NRXN3: variants seen among roughly 807,000 people sequenced by gnomAD.
NRXN3 encodes neurexin 3, also known as neurexin III.
NRXN3 carries 32 observed loss-of-function variants against 137.6 expected under a neutral mutation model. The observed-to-expected ratio is 0.23, with a 90% confidence interval of 0.18 to 0.31. NRXN3 has a LOEUF of 0.31. Among genes scored for constraint, NRXN3 ranks in the 10% least tolerant of loss-of-function variants. The probability of loss-of-function intolerance (pLI) is 1.00; values close to 1 mark genes in which losing one functional copy is unlikely to be tolerated. For synonymous variants in NRXN3, 798 were observed against 784.5 expected, an observed-to-expected ratio of 1.02 and a Z score of -0.29; for missense variants, 1,574 against 2,062.5, an observed-to-expected ratio of 0.76 and a Z score of 4.59.
At chr14:79,691,473 C>T (rs2098716319) in intron 17 of NRXN3, among the ~76,000 whole-genome samples, 1 of 151,982 alleles carries the variant, frequency 6.6e-6, no homozygotes, top group Admixed American at 6.6e-5. Flanking sequence ...ATTATAATTA[C>T]CTCTATTTCC....
chr14:78,907,365 G>A (rs1015645050), intron 10 of NRXN3, among the ~76,000 whole-genome samples: 4 of 151,956 alleles, frequency 2.6e-5, no homozygotes, highest in Non-Finnish European at 5.9e-5. Flanking sequence ...CCATCACACC[G>A]GTTTTCTAGC....
At chr14:78,435,175 A>G (rs1360222993) in intron 4 of NRXN3, among the ~76,000 whole-genome samples, 1 of 152,202 alleles carries the variant, frequency 6.6e-6, no homozygotes, top group Non-Finnish European at 1.5e-5. Flanking sequence ...CAGCCTTAAT[A>G]TCACAGAAAT....
intron 15 of NRXN3, among the ~76,000 whole-genome samples, chr14:79,317,826 A>G (rs1316200696): frequency 6.6e-6 from 1 of 152,226 alleles, no homozygotes; most frequent in Non-Finnish European, 1.5e-5. Context: ...GTGTATAAAT[A>G]TAATAATACA....
At chr14:78,276,258 T>C (rs1300114702) in intron 2 of NRXN3, among the ~76,000 whole-genome samples, 1 of 152,174 alleles carries the variant, frequency 6.6e-6, no homozygotes, top group Admixed American at 6.5e-5. Flanking sequence ...TGGAATTTGT[T>C]TTGATCCTTG....
chr14:78,796,451 T>C (rs114294879), intron 8 of NRXN3, among the ~76,000 whole-genome samples: 2,090 of 152,278 alleles, frequency 0.014, 62 homozygotes, highest in African/African-American at 0.048. Context: ...GAACAGAAGT[T>C]AGAGAAGTTC....
chr14:78,854,298 G>T (rs893875377), intron 10 of NRXN3, among the ~76,000 whole-genome samples: 1 of 151,996 alleles, frequency 6.6e-6, no homozygotes, highest in African/African-American at 2.4e-5. Context: ...TAATTTTTTG[G>T]GCCTTACCTT....
intron 10 of NRXN3, among the ~76,000 whole-genome samples, chr14:78,843,022 G>A (rs561086975): frequency 2.6e-5 from 4 of 152,156 alleles, no homozygotes; most frequent in South Asian, 4.1e-4. Flanking sequence ...GTCCTGAGGC[G>A]ACATACATCC....
At chr14:79,533,435 C>T (rs2097186328) in intron 16 of NRXN3, among the ~76,000 whole-genome samples, 1 of 152,144 alleles carries the variant, frequency 6.6e-6, no homozygotes, top group African/African-American at 2.4e-5. Context: ...TGACTACCGA[C>T]AGTTATGTAC....
chr14:79,443,019 A>T (rs947372340), intron 15 of NRXN3, among the ~76,000 whole-genome samples: 7 of 152,234 alleles, frequency 4.6e-5, no homozygotes, highest in African/African-American at 1.4e-4. Context: ...CTCTGTGTGC[A>T]TGATTTCCAC....
intron 15 of NRXN3, among the ~76,000 whole-genome samples, chr14:79,199,745 C>A (rs1017301725): frequency 6.6e-6 from 1 of 152,148 alleles, no homozygotes; most frequent in Admixed American, 6.6e-5. Flanking sequence ...TTCAAACAGA[C>A]AAACCATGGT....
At chr14:78,885,544 A>G (rs969024109) in intron 10 of NRXN3, among the ~76,000 whole-genome samples, 1 of 152,116 alleles carries the variant, frequency 6.6e-6, no homozygotes, top group Non-Finnish European at 1.5e-5. Flanking sequence ...TGACCACCCT[A>G]CCTGTAGTTG....
intron 4 of NRXN3, among the ~76,000 whole-genome samples, chr14:78,542,733 C>T (rs1292598055): frequency 1.3e-5 from 2 of 152,212 alleles, no homozygotes; most frequent in Non-Finnish European, 2.9e-5. Flanking sequence ...AACCAGGTAC[C>T]TCAGTTGGAA....
chr14:79,557,129 A>G (rs1795655427), intron 16 of NRXN3, among the ~76,000 whole-genome samples: 1 of 152,096 alleles, frequency 6.6e-6, no homozygotes, highest in African/African-American at 2.4e-5. Context: ...TATAAAAGCA[A>G]TGATTACTGT....
intron 17 of NRXN3, among the ~76,000 whole-genome samples, chr14:79,678,901 G>A (rs1286033361): frequency 2.0e-5 from 3 of 152,154 alleles, no homozygotes; most frequent in East Asian, 3.9e-4. Context: ...AATTAGAATG[G>A]TGAAAATACC....
At chr14:78,583,651 A>C (rs1404543048) in intron 4 of NRXN3, among the ~76,000 whole-genome samples, 1 of 152,226 alleles carries the variant, frequency 6.6e-6, no homozygotes, top group African/African-American at 2.4e-5. Flanking sequence ...GAAATGAAAT[A>C]GAGTTGATTC....
intron 4 of NRXN3, among the ~76,000 whole-genome samples, chr14:78,490,065 C>T (rs894239892): frequency 6.6e-6 from 1 of 152,080 alleles, no homozygotes; most frequent in Non-Finnish European, 1.5e-5. Flanking sequence ...CAGGCACATG[C>T]CACCATGCCT....
At chr14:79,161,488 TATTTG>T (rs1241366369) in intron 15 of NRXN3, among the ~76,000 whole-genome samples, 1 of 151,994 alleles carries the variant, frequency 6.6e-6, no homozygotes, top group East Asian at 1.9e-4. Flanking sequence ...ACACGGCATA[TATTTG>T]ATACACAATG....
intron 15 of NRXN3, among the ~76,000 whole-genome samples, chr14:79,211,389 A>G (rs1280787049): frequency 6.6e-6 from 1 of 152,190 alleles, no homozygotes. Context: ...TCACTAACCC[A>G]TCGCATCTCT....
intron 10 of NRXN3, among the ~76,000 whole-genome samples, chr14:78,920,768 C>A (rs1401304269): frequency 6.6e-6 from 1 of 152,022 alleles, no homozygotes; most frequent in African/African-American, 2.4e-5. Context: ...TCTTTATTTG[C>A]AATTATTGGT....
Sources: allele counts gnomAD v4.1 joint callset (sites outside exome capture counted in the v4.1 genomes callset), GRCh38; gene constraint gnomAD v4.1.1; transcripts MANE v1.5; gene names NCBI Gene and HGNC (gene_info 2026-07-23, HGNC 2026-07-21).